FRMD4A: variants seen among roughly 807,000 people sequenced by gnomAD.
FRMD4A encodes the protein FERM domain containing 4A.
In FRMD4A, 29 loss-of-function variants were observed where a neutral mutation model predicts 129.1. The ratio of observed to expected loss-of-function variants is 0.22; its 90% CI spans 0.17 to 0.31. FRMD4A has a LOEUF of 0.31. Among genes scored for constraint, FRMD4A ranks in the 10% least tolerant of loss-of-function variants. The probability of loss-of-function intolerance (pLI) is 1.00; values close to 1 mark genes in which losing one functional copy is unlikely to be tolerated. For missense variants in FRMD4A, 1,272 were observed against 1,375.8 expected, an observed-to-expected ratio of 0.92 and a Z score of 1.19; for synonymous variants, 634 against 571.6, an observed-to-expected ratio of 1.11 and a Z score of -1.56.
In FRMD4A at chr10:13,701,235, G is replaced by C. The variant is rs559736678; in HGVS notation, c.975+105C>G. The C allele has an allele frequency of 1.4e-4, 144 of 1,017,352 alleles. 2 individuals carry two copies. In the South Asian group the frequency reaches 1.9e-3, roughly 13 times the overall value. The allele number at this position is 1,017,352 out of a possible 1,614,324, so 63.0% of individuals were successfully genotyped here. On this transcript the variant is annotated intron_variant, in intron 14 of 24. Transcript: ENST00000357447. ...CAAGCCTGTATCTGTGCAAGGTATGGACCCGGGCAAGGGACATGGCGCCTC... is the reference window on the plus strand; with the variant it reads ...CAAGCCTGTATCTGTGCAAGGTATGCACCCGGGCAAGGGACATGGCGCCTC...
intron 2 of FRMD4A, among the ~76,000 whole-genome samples, chr10:13,956,529 C>T (rs2131347450): frequency 6.6e-6 from 1 of 152,328 alleles, no homozygotes; most frequent in East Asian, 1.9e-4. Flanking sequence ...CTCAGGACAA[C>T]AAAGTTGCTT....
chr10:14,193,345 A>C lies in FRMD4A; in HGVS notation c.45+136713T>G, dbSNP rs148433074. On this transcript the variant is annotated intron_variant, in intron 2 of 24. Transcript: ENST00000357447. ...GAGCCTTTGCTGATATTTTTACTTA[A>C]CACTTTCGGGTCCAGAGACCTTGTC... Among the ~76,000 whole-genome samples the C allele has an allele frequency of 1.7e-4, 26 of 152,260 alleles. No homozygotes were observed. In the East Asian group the frequency reaches 5.0e-3, roughly 29 times the overall value.
At chr10:13,852,356 G>A (rs2094151430) in intron 3 of FRMD4A, among the ~76,000 whole-genome samples, 1 of 151,474 alleles carries the variant, frequency 6.6e-6, no homozygotes, top group Admixed American at 6.6e-5. Flanking sequence ...TGATTCCCTT[G>A]CCTCAGCCTC....
At chr10:14,266,255 G>A (rs1844974776) in intron 2 of FRMD4A, among the ~76,000 whole-genome samples, 1 of 152,078 alleles carries the variant, frequency 6.6e-6, no homozygotes, top group Non-Finnish European at 1.5e-5. Context: ...CCCGAATTGT[G>A]ACAACCAAAA....
At position 13,717,166 on chromosome 10, in the gene FRMD4A, T is replaced by G. The variant is rs76261979; in HGVS notation, c.760-10053A>C. On this transcript the variant is annotated intron_variant, in intron 12 of 24. Coordinates refer to ENST00000357447, the MANE Select transcript of FRMD4A (RefSeq NM_018027.5). The stretch of plus-strand genomic sequence containing the variant: ...AAAAAAAGCCAAGGCTAATTCTACC[T>G]GCTATGACAGACCTCAGTGGGATGC... Among the ~76,000 whole-genome samples the G allele has an allele frequency of 2.6e-5, 4 of 152,184 alleles. No homozygotes were observed. The East Asian group carries it at 7.7e-4, about 29-fold the overall frequency.
At chr10:13,964,102 A>G (rs1035563699) in intron 2 of FRMD4A, among the ~76,000 whole-genome samples, 2 of 150,998 alleles carry the variant, frequency 1.3e-5, no homozygotes, top group African/African-American at 2.4e-5. Flanking sequence ...CAGGTGTGTT[A>G]TCTTGTTGGT....
chr10:14,158,639 G>A (rs1287430463), intron 2 of FRMD4A, among the ~76,000 whole-genome samples: 1 of 151,534 alleles, frequency 6.6e-6, no homozygotes. Context: ...AAAAAAGAAA[G>A]AGGAGAAGGA....
chr10:13,878,679 G>T (rs1191635546), intron 2 of FRMD4A, among the ~76,000 whole-genome samples: 1 of 152,054 alleles, frequency 6.6e-6, no homozygotes, highest in Non-Finnish European at 1.5e-5. Context: ...CTTGAACCCG[G>T]GAGGCGGAGG....
intron 2 of FRMD4A, among the ~76,000 whole-genome samples, chr10:13,929,077 A>G (rs1306885802): frequency 6.6e-6 from 1 of 152,088 alleles, no homozygotes; most frequent in Non-Finnish European, 1.5e-5. Flanking sequence ...TTATTTCCTT[A>G]TTATTTGTAA....
At position 13,995,789 on chromosome 10, in the gene FRMD4A, C is replaced by T. The variant is rs148601852; in HGVS notation, c.46-136877G>A. 3.1e-3 allele frequency among the ~76,000 whole-genome samples: 474 copies of T among 151,424 alleles called. 1 individual carries two copies. The highest frequency in any genetic ancestry group is 4.1e-3 in the African/African-American group (169 of 41,296). ...CCATTCTACGTTGTTGATTTCAAAT[C>T]GACAAGTGCCCGTATGCATTTCCAG... On this transcript the variant is annotated intron_variant, in intron 2 of 24. Transcript: ENST00000357447.
intron 2 of FRMD4A, among the ~76,000 whole-genome samples, chr10:13,934,425 T>C (rs1337087457): frequency 6.6e-6 from 1 of 152,146 alleles, no homozygotes; most frequent in Admixed American, 6.5e-5. Context: ...ATTTTATAGC[T>C]GAAAAAGCAG....
intron 2 of FRMD4A, among the ~76,000 whole-genome samples, chr10:14,208,840 T>C (rs1248339472): frequency 6.6e-6 from 1 of 152,158 alleles, no homozygotes; most frequent in Non-Finnish European, 1.5e-5. Context: ...TCCATATTGA[T>C]GAAACAGTAA....
chr10:13,743,732 C>T (rs1488506815), intron 9 of FRMD4A, among the ~76,000 whole-genome samples: 1 of 152,122 alleles, frequency 6.6e-6, no homozygotes, highest in Non-Finnish European at 1.5e-5. Context: ...TCTCCATCCT[C>T]AGCTTTTCCT....
Position 13,671,252 on chromosome 10 carries a change from G to A in FRMD4A, c.1252-724C>T, listed in dbSNP as rs554419679. Among the ~76,000 whole-genome samples the A allele has an allele frequency of 2.5e-4, 38 of 152,216 alleles. 2 individuals are homozygous for A. Among genetic ancestry groups the A allele is most frequent in the Middle Eastern group, 6.8e-3 (2 of 294 alleles). On this transcript the variant is annotated intron_variant, in intron 16 of 24. Coordinates refer to ENST00000357447, the MANE Select transcript of FRMD4A (RefSeq NM_018027.5). ...GCGGATCTCTTGAGATCAGGAGTCCGAGACCAGCCTGGCCAACATGGTGAA... is the reference window on the plus strand; with the variant it reads ...GCGGATCTCTTGAGATCAGGAGTCCAAGACCAGCCTGGCCAACATGGTGAA...
At chr10:13,740,313 G>T (rs2090913432) in intron 10 of FRMD4A, 62 bp from the exon 11 acceptor site, 6 of 1,116,086 alleles carry the variant, frequency 5.4e-6, no homozygotes, top group East Asian at 2.3e-5. Context: ...TAGTTATTCA[G>T]CAGATCTGGT....
chr10:13,728,566 T>C (rs571387483), intron 12 of FRMD4A, among the ~76,000 whole-genome samples: 51 of 125,166 alleles, frequency 4.1e-4, no homozygotes, highest in African/African-American at 1.4e-3. Context: ...TTCAGGTGAT[T>C]ACCATTCTTT....
chr10:14,237,718 C>T (rs1843879123), intron 2 of FRMD4A, among the ~76,000 whole-genome samples: 2 of 152,118 alleles, frequency 1.3e-5, no homozygotes, highest in Non-Finnish European at 2.9e-5. Flanking sequence ...TTGCTAGGAC[C>T]AAATAAGATA....
rs1343716574 is a variant in FRMD4A at position 14,095,562 on chromosome 10, A to G, written c.45+234496T>C. ...GATACTGCAGTTTGAATTATTTTAC[A>G]TACGCACTTCTAAACGCACTCTCAA... On this transcript the variant is annotated intron_variant, in intron 2 of 24. Transcript: ENST00000357447. Among the ~76,000 whole-genome samples the G allele has an allele frequency of 8.5e-5, 13 of 152,218 alleles. No individual in the cohort carries two copies. In the South Asian group the frequency reaches 2.1e-3, roughly 24 times the overall value.
At chr10:14,011,284 G>A (rs1425109989) in intron 2 of FRMD4A, among the ~76,000 whole-genome samples, 1 of 152,242 alleles carries the variant, frequency 6.6e-6, no homozygotes, top group Non-Finnish European at 1.5e-5. Flanking sequence ...AGTTTCTGGA[G>A]CTGCTGCTTT....
Sources: allele counts gnomAD v4.1 joint callset (sites outside exome capture counted in the v4.1 genomes callset), GRCh38; gene constraint gnomAD v4.1.1; transcripts MANE v1.5; gene names NCBI Gene and HGNC (gene_info 2026-07-23, HGNC 2026-07-21).